ABCA1: variants seen among roughly 807,000 people sequenced by gnomAD.
ABCA1 encodes phospholipid-transporting ATPase ABCA1.
ABCA1 carries 133 observed loss-of-function variants against 262.5 expected under a neutral mutation model. The ratio of observed to expected loss-of-function variants is 0.51; its 90% CI spans 0.44 to 0.59. The LOEUF is 0.59. Among genes scored for constraint, ABCA1 ranks in the 20% least tolerant of loss-of-function variants. ABCA1 has a pLI of 0.00. For synonymous variants in ABCA1, 1,022 were observed against 1,043.5 expected, an observed-to-expected ratio of 0.98 and a Z score of 0.40; for missense variants, 2,452 against 2,777.5, an observed-to-expected ratio of 0.88 and a Z score of 2.63.
chr9:104,898,971 T>C (rs1307914318), intron 2 of ABCA1, among the ~76,000 whole-genome samples: 2 of 152,246 alleles, frequency 1.3e-5, no homozygotes, highest in Non-Finnish European at 2.9e-5. Flanking sequence ...TGTGATGATA[T>C]GTTTCACATC....
intron 7 of ABCA1, chr9:104,855,220 A>T: frequency 2.2e-6 from 2 of 927,604 alleles, no homozygotes; most frequent in Non-Finnish European, 2.6e-6. Context: ...TTTCTGAGAC[A>T]GAGTCTCACT....
chr9:104,834,822 G>A (rs1463192761), intron 11 of ABCA1, among the ~76,000 whole-genome samples: 1 of 131,816 alleles, frequency 7.6e-6, no homozygotes, highest in African/African-American at 2.7e-5. Flanking sequence ...TGGGTAGACA[G>A]TGCCAGAGAA....
At chr9:104,786,154 A>C in intron 48 of ABCA1, 144 bp downstream of exon 48, 1 of 718,908 alleles carries the variant, frequency 1.4e-6, no homozygotes, top group Non-Finnish European at 2.4e-6. Context: ...TGCAGTTCGG[A>C]CTTCAAAGCC....
intron 7 of ABCA1, among the ~76,000 whole-genome samples, chr9:104,854,175 A>T (rs530251718): frequency 2.0e-5 from 3 of 152,318 alleles, no homozygotes; most frequent in African/African-American, 7.2e-5. Flanking sequence ...AACCTTTAGG[A>T]GCAAAAACCA....
At position 104,806,413 on chromosome 9, in the gene ABCA1, G is replaced by A. The variant is rs1228724794; in HGVS notation, c.4292C>T (p.Ala1431Val). The A allele has an allele frequency of 1.2e-6, 2 of 1,614,160 alleles. No individual in the cohort carries two copies. The highest frequency in any genetic ancestry group is 1.7e-6 in the Non-Finnish European group (2 of 1,180,030). Residue 1431 changes from alanine (A) to valine (V), a missense_variant, in exon 31 of 50, where the codon GCA (alanine) becomes GTA (valine). Physicochemically the swap from Ala to Val is moderately conservative, Grantham distance 64 (BLOSUM62 0). This residue lies in a region of ABCA1 where 665 missense variants were observed against 727.3 expected (regional missense o/e 0.91). Transcript: ENST00000374736. ...GNPIPDTPCQ[A>V]GEEEWTTAPV... is the part of the protein sequence containing the mutation. ...GGCAGTGGTCCACTCTTCCTCCCCT[G>A]CCTGGCAGGGCGTGTCTCTGCAAAG...
chr9:104,825,549 G>C, intron 17 of ABCA1, 134 bp downstream of exon 17: 1 of 862,390 alleles, frequency 1.2e-6, no homozygotes, highest in Non-Finnish European at 1.9e-6. Context: ...GCCTGTCCTT[G>C]GACTATCTGT....
chr9:104,841,968 C>A (rs1009134943), intron 8 of ABCA1, among the ~76,000 whole-genome samples: 3 of 152,290 alleles, frequency 2.0e-5, no homozygotes, highest in East Asian at 1.9e-4. Context: ...GTGTTCACAC[C>A]GCCTGGGAAG....
At chr9:104,855,094 C>A (rs1238817101) in intron 7 of ABCA1, 4 of 942,754 alleles carry the variant, frequency 4.2e-6, no homozygotes, top group Non-Finnish European at 5.0e-6. Context: ...GGTGAAAAGT[C>A]TTGACAATAT....
In ABCA1 at chr9:104,792,709, G is replaced by A; in HGVS notation, c.5757+77C>T. 4.4e-6 allele frequency: 7 copies of A among 1,598,652 alleles called. No individual in the cohort carries two copies. The Admixed American group carries it at 5.0e-5, about 11-fold the overall frequency. ...GAACACATGCCCTTTTATTAAGCAA[G>A]TCAGCAAACTGCTGGGTTACAGCAC... On this transcript the variant is annotated intron_variant, in intron 42 of 49. Coordinates refer to ENST00000374736, the MANE Select transcript of ABCA1 (RefSeq NM_005502.4).
chr9:104,848,717 G>A (rs1196870952), intron 7 of ABCA1, among the ~76,000 whole-genome samples: 2 of 152,046 alleles, frequency 1.3e-5, no homozygotes, highest in Non-Finnish European at 2.9e-5. Flanking sequence ...TTTGAGCACT[G>A]AGGTTTGAGA....
chr9:104,816,251 A>G lies in ABCA1; in HGVS notation c.3630T>C (p.Tyr1210=), dbSNP rs1183746912. The G allele has an allele frequency of 6.2e-7, 1 of 1,614,186 alleles. No individual in the cohort carries two copies. Among genetic ancestry groups the G allele is most frequent in the South Asian group, 1.1e-5 (1 of 91,086 alleles). The change falls in exon 25 of 50, where the codon TAT becomes TAC. Residue 1210 remains tyrosine, a synonymous_variant. Coordinates refer to ENST00000374736, the MANE Select transcript of ABCA1 (RefSeq NM_005502.4). ...CAAAGGCTCCCTCCTTAGCAGCTTC[A>G]TATGGCAGCACATAGGTCAGCTCAT... is the stretch of plus-strand genomic sequence containing the variant. The part of the protein sequence containing the change: ...IGHELTYVLP[Y]EAAKEGAFVE...
chr9:104,801,934 T>A, intron 34 of ABCA1, 120 bp downstream of exon 34: 1 of 919,866 alleles, frequency 1.1e-6, no homozygotes, highest in South Asian at 1.4e-5. Context: ...AAGACGGCTC[T>A]GTATGCCAAC....
At chr9:104,926,931 G>A (rs1826393534) in intron 1 of ABCA1, among the ~76,000 whole-genome samples, 1 of 151,936 alleles carries the variant, frequency 6.6e-6, no homozygotes, top group African/African-American at 2.4e-5. Context: ...ACAAAACTCG[G>A]CCGCGCGCGG....
intron 41 of ABCA1, 98 bp from the exon 42 acceptor site, chr9:104,793,004 C>G (rs533369857): frequency 1.3e-6 from 2 of 1,598,648 alleles, no homozygotes; most frequent in African/African-American, 1.3e-5. Context: ...TTGCCACAGT[C>G]TCCAGGATGG....
rs917394077 is a variant in ABCA1, at chr9:104,883,067, T to C, written c.393A>G (p.Thr131=). ...SMKDMRKVLR[T]LQQIKKSSSN... is the part of the protein sequence containing the mutation. ...AGCTGGATTTCTTGATCTGCTGTAATGTTCTCAGAACTTTGCGCATGTCCT... is the reference window on the plus strand; with the variant it reads ...AGCTGGATTTCTTGATCTGCTGTAACGTTCTCAGAACTTTGCGCATGTCCT... The change falls in exon 5 of 50, where the codon ACA becomes ACG. Residue 131 remains threonine (T), a synonymous_variant. Coordinates refer to ENST00000374736, the MANE Select transcript of ABCA1 (RefSeq NM_005502.4). 11 of 1,613,968 alleles carry C rather than the reference T, an allele frequency of 6.8e-6. No homozygotes were observed. The highest frequency in any genetic ancestry group is 9.3e-6 in the Non-Finnish European group (11 of 1,180,010).
At chr9:104,789,603 G>A (rs939879949) in intron 44 of ABCA1, among the ~76,000 whole-genome samples, 15 of 152,080 alleles carry the variant, frequency 9.9e-5, no homozygotes, top group Non-Finnish European at 1.5e-4. Flanking sequence ...TTTTAATGAC[G>A]CAGTATAAGG....
chr9:104,922,917 A>G (rs1028204119), intron 1 of ABCA1, among the ~76,000 whole-genome samples: 1 of 152,048 alleles, frequency 6.6e-6, no homozygotes, highest in Non-Finnish European at 1.5e-5. Context: ...GGGTTTCACC[A>G]TATTTGCCAG....
intron 1 of ABCA1, among the ~76,000 whole-genome samples, chr9:104,926,684 G>A (rs1355844896): frequency 6.6e-6 from 1 of 152,164 alleles, no homozygotes; most frequent in Non-Finnish European, 1.5e-5. Flanking sequence ...TCACGGCAGA[G>A]CCCAGCCCAG....
At chr9:104,809,083 G>A (rs966648493) in intron 30 of ABCA1, among the ~76,000 whole-genome samples, 14 of 152,192 alleles carry the variant, frequency 9.2e-5, no homozygotes, top group African/African-American at 3.4e-4. Context: ...TAAAAGCGAA[G>A]AAGCTGATAA....
Sources: allele counts gnomAD v4.1 joint callset (sites outside exome capture counted in the v4.1 genomes callset), GRCh38; gene constraint gnomAD v4.1.1; regional missense constraint gnomAD v4.1.1; transcripts MANE v1.5; gene names NCBI Gene and HGNC (gene_info 2026-07-23, HGNC 2026-07-21).